The following OSMR variants were observed in gnomAD, a reference collection of about 807,000 sequenced individuals.
The protein encoded by OSMR is oncostatin M receptor.
Under a neutral mutation model 99.9 loss-of-function variants are expected in OSMR, and 81 were observed. That is an observed-to-expected ratio of 0.81 (90% CI 0.68 to 0.97). The LOEUF (loss-of-function observed/expected upper bound fraction) is 0.97, where lower values mean the gene tolerates loss of function less well. OSMR is among the 50% of genes least tolerant of loss of function. The pLI, the probability that OSMR is intolerant of heterozygous loss-of-function variation, is 0.00. For missense variants in OSMR, 1,099 were observed against 1,153.4 expected (o/e 0.95, Z 0.68); for synonymous variants, 406 against 410.4 (o/e 0.99, Z 0.13).
intron 7 of OSMR, among the ~76,000 whole-genome samples, chr5:38,898,323 G>A (rs1201244204): frequency 2.0e-5 from 3 of 152,108 alleles, no homozygotes; most frequent in African/African-American, 7.2e-5. Context: ...TCCTCTTGCT[G>A]GATTGACCCC....
At chr5:38,893,769 T>C (rs1579726183) in intron 7 of OSMR, among the ~76,000 whole-genome samples, 1 of 151,876 alleles carries the variant, frequency 6.6e-6, no homozygotes. Context: ...AATAATAGAA[T>C]AAAACCTCTG....
At position 38,879,159 on chromosome 5, in the gene OSMR, C is replaced by T. The variant is rs1464344179; in HGVS notation, c.247-2434C>T. 1.3e-5 allele frequency among the ~76,000 whole-genome samples: 2 copies of T among 152,220 alleles called. 1 individual carries two copies. Among genetic ancestry groups the T allele is most frequent in the Admixed American group, 1.3e-4 (2 of 15,284 alleles). ...CAAATATCCAAGAGGATAGAAGTTA[C>T]TTTAGCAAGTAGAGTAGAAAAGAGT... On this transcript the variant is annotated intron_variant, in intron 3 of 17. Coordinates refer to ENST00000274276, the MANE Select transcript of OSMR (RefSeq NM_003999.3).
intron 1 of OSMR, among the ~76,000 whole-genome samples, chr5:38,852,717 C>CTTTTTT (rs1740491359): frequency 2.3e-4 from 13 of 57,410 alleles, no homozygotes; most frequent in Middle Eastern, 0.011. Flanking sequence ...CTATTGTTTT[C>CTTTTTT]ATTTTTTTTT....
intron 9 of OSMR, among the ~76,000 whole-genome samples, chr5:38,909,510 C>T (rs1745440746): frequency 6.6e-6 from 1 of 152,182 alleles, no homozygotes. Flanking sequence ...ACAAAGGGAA[C>T]CCCATCACGC....
At chr5:38,906,595 A>G (rs186048814) in intron 9 of OSMR, among the ~76,000 whole-genome samples, 33 of 152,334 alleles carry the variant, frequency 2.2e-4, no homozygotes, top group African/African-American at 7.7e-4. Flanking sequence ...GAGTATTTCA[A>G]TAAAGTTTTA....
chr5:38,917,766 C>G (rs2112628447), intron 10 of OSMR, 144 bp downstream of exon 10: 1 of 674,116 alleles, frequency 1.5e-6, no homozygotes, highest in Non-Finnish European at 2.7e-6. Context: ...AATTTCTTAC[C>G]TAGTAGAGGA....
intron 2 of OSMR, among the ~76,000 whole-genome samples, chr5:38,869,707 CTT>C (rs1742231575): frequency 6.6e-6 from 1 of 152,082 alleles, no homozygotes; most frequent in African/African-American, 2.4e-5. Flanking sequence ...GATAAATTAA[CTT>C]TATAAATAAG....
At chr5:38,918,739 C>T (rs914787330) in intron 10 of OSMR, 101 bp from the exon 11 acceptor site, 11 of 1,545,566 alleles carry the variant, frequency 7.1e-6, no homozygotes, top group South Asian at 2.4e-5. Flanking sequence ...CTGGTGTGTG[C>T]GTATATAAAG....
chr5:38,931,903 C>T lies in OSMR; in HGVS notation c.2233C>T (p.Leu745=). Residue 745 remains leucine (L), a synonymous_variant, in exon 16 of 18, where the codon CTA becomes TTA. Transcript: ENST00000274276. ...DEHSSMLIHI[L]LPMVFCVLLI... ...TTCAGCCTCGATGCTGATTCATATC[C>T]TACTGCCCATGGTTTTCTGCGTCTT... 2 of 1,613,566 alleles carry T rather than the reference C, an allele frequency of 1.2e-6. No individual in the cohort carries two copies. The highest frequency in any genetic ancestry group is 1.1e-5 in the South Asian group (1 of 91,072).
chr5:38,933,536 C>A lies in OSMR; in HGVS notation c.*92C>A. ...TCACCAGTGGCCTTGGTCCTTAATCCCAGTACGATTTGCAGGTCTGGTTTA... is the reference window on the plus strand; with the variant it reads ...TCACCAGTGGCCTTGGTCCTTAATCACAGTACGATTTGCAGGTCTGGTTTA... On this transcript the variant is annotated 3_prime_UTR_variant, in exon 18 of 18. Coordinates refer to ENST00000274276, the MANE Select transcript of OSMR (RefSeq NM_003999.3). 7.1e-7 allele frequency: 1 copy of A among 1,413,906 alleles called. No individual in the cohort carries two copies. Among genetic ancestry groups the A allele is most frequent in the Non-Finnish European group, 9.9e-7 (1 of 1,007,096 alleles). The allele number at this position is 1,413,906 out of a possible 1,614,324, so 87.6% of individuals were successfully genotyped here.
intron 3 of OSMR, among the ~76,000 whole-genome samples, chr5:38,879,450 C>T (rs1743091137): frequency 6.6e-6 from 1 of 152,088 alleles, no homozygotes; most frequent in East Asian, 1.9e-4. Context: ...CGCTAGGAAG[C>T]GAGCTGTAGG....
chr5:38,875,858 T>C (rs914780417), intron 2 of OSMR, among the ~76,000 whole-genome samples: 1 of 152,190 alleles, frequency 6.6e-6, no homozygotes, highest in African/African-American at 2.4e-5. Context: ...ATGTAACATT[T>C]CCATCAAAAA....
chr5:38,897,879 A>G (rs969772602), intron 7 of OSMR, among the ~76,000 whole-genome samples: 8 of 152,024 alleles, frequency 5.3e-5, no homozygotes, highest in Admixed American at 3.9e-4. Flanking sequence ...ATTTGGGAGC[A>G]TATCGTTTAA....
At chr5:38,945,167 C>T, downstream of OSMR, 1 of 887,960 alleles carries the variant, frequency 1.1e-6, no homozygotes, top group Non-Finnish European at 1.7e-6. Context: ...ATAACATCTT[C>T]TCTAATTGTA....
intron 7 of OSMR, among the ~76,000 whole-genome samples, chr5:38,894,001 G>C (rs1368576239): frequency 6.6e-6 from 1 of 152,236 alleles, no homozygotes; most frequent in African/African-American, 2.4e-5. Context: ...TTACAAGCCA[G>C]AAGAGATTGA....
Position 38,885,447 on chromosome 5 carries a change from T to C in OSMR, c.802T>C (p.Ser268Pro), listed in dbSNP as rs755496785. 4 of 1,614,036 alleles carry C rather than the reference T, an allele frequency of 2.5e-6. No individual in the cohort carries two copies. The East Asian group carries it at 6.7e-5, about 27-fold the overall frequency. Residue 268 changes from serine to proline, a missense_variant, in exon 6 of 18, where the codon TCT becomes CCT. By Grantham distance (74) the Ser-to-Pro change is moderately conservative. Transcript: ENST00000274276. ...DPGTDTALGWSKQPSQSYTLF... is the reference protein window; with the variant it reads ...DPGTDTALGWPKQPSQSYTLF... ...TGGGACGGACACTGCCTTGGGGTGG[T>C]CTAAACAACCTTCCCAAAGCTACAC... is the stretch of plus-strand genomic sequence containing the variant.
chr5:38,918,373 TC>T (rs1357254040), intron 10 of OSMR, among the ~76,000 whole-genome samples: 1 of 152,062 alleles, frequency 6.6e-6, no homozygotes, highest in Admixed American at 6.5e-5. Context: ...CTGAGGATCT[TC>T]CAGAGGAGGG....
rs1743561420 is a variant in OSMR at position 38,884,618 on chromosome 5, G to A, written c.703+507G>A. 2.0e-5 allele frequency among the ~76,000 whole-genome samples: 3 copies of A among 152,172 alleles called. 1 individual carries two copies. Among genetic ancestry groups the A allele is most frequent in the South Asian group, 4.1e-4 (2 of 4,826 alleles). On this transcript the variant is annotated intron_variant, in intron 5 of 17. Coordinates refer to ENST00000274276, the MANE Select transcript of OSMR (RefSeq NM_003999.3). ...TGATTGTGAGGATTAATGAATGTGG[G>A]TAGTGCCTAGCCCCAGTAATAGCTG...
At chr5:38,872,923 T>TTA (rs1279620126) in intron 2 of OSMR, among the ~76,000 whole-genome samples, 4 of 152,244 alleles carry the variant, frequency 2.6e-5, no homozygotes, top group African/African-American at 9.6e-5. Flanking sequence ...AATTTCTGTG[T>TTA]TATGCCAGCA....
Sources: allele counts gnomAD v4.1 joint callset (sites outside exome capture counted in the v4.1 genomes callset), GRCh38; gene constraint gnomAD v4.1.1; transcripts MANE v1.5; gene names NCBI Gene and HGNC (gene_info 2026-07-23, HGNC 2026-07-21).